Variants in CAAP1 observed in about 807,000 individuals in gnomAD.
CAAP1 encodes the protein caspase activity and apoptosis inhibitor 1.
A neutral mutation model predicts 34.0 loss-of-function variants in CAAP1; 20 were observed. The ratio of observed to expected loss-of-function variants is 0.59; its 90% confidence interval spans 0.41 to 0.86. The LOEUF (loss-of-function observed/expected upper bound fraction) is 0.86. Ranked by LOEUF, CAAP1 falls within the 40% of genes least tolerant of loss-of-function variation. CAAP1 has a pLI of 0.00. For missense variants in CAAP1, 538 were observed against 450.5 expected (o/e 1.19, Z -1.76); for synonymous variants, 213 against 166.7 (o/e 1.28, Z -2.14).
At chr9:26,886,814 C>T (rs553195407) in intron 2 of CAAP1, among the ~76,000 whole-genome samples, 8 of 152,134 alleles carry the variant, frequency 5.3e-5, no homozygotes, top group Admixed American at 5.2e-4. Flanking sequence ...AACATTTCTT[C>T]GTGGCAAATT....
chr9:26,872,276 A>G (rs1490841525), intron 4 of CAAP1, among the ~76,000 whole-genome samples: 1 of 152,150 alleles, frequency 6.6e-6, no homozygotes, highest in East Asian at 1.9e-4. Flanking sequence ...CTGAGCATAA[A>G]TAGCAGTCTG....
At chr9:26,852,437 A>G (rs1822774844) in intron 5 of CAAP1, among the ~76,000 whole-genome samples, 1 of 151,912 alleles carries the variant, frequency 6.6e-6, no homozygotes, top group Admixed American at 6.6e-5. Context: ...CCTGGGTGAC[A>G]GAGAGAGGCT....
At chr9:26,878,096 T>C (rs899692327) in intron 4 of CAAP1, among the ~76,000 whole-genome samples, 15 of 152,330 alleles carry the variant, frequency 9.8e-5, no homozygotes, top group African/African-American at 3.1e-4. Flanking sequence ...TGGGACTTAA[T>C]GGTAACAATC....
chr9:26,892,543 G>T lies in CAAP1; in HGVS notation c.173C>A (p.Ala58Asp), dbSNP rs1010624013. Residue 58 changes from alanine (A) to aspartate (D), a missense_variant, in exon 1 of 6, where the codon GCC becomes GAC. Physicochemically the swap from Ala to Asp is moderately radical, Grantham distance 126. This residue lies in a region of CAAP1 where 514 missense variants were observed against 408.4 expected (regional missense o/e 1.26). Transcript: ENST00000333916. ...GCGSVSCCGN[A>D]NFSGSVTGGG... Reference sequence around the variant, plus strand: ...GCCGGTGACACTTCCACTAAAATTGGCGTTCCCACAGCAGCTGACGCTCCC... The same window carrying T: ...GCCGGTGACACTTCCACTAAAATTGTCGTTCCCACAGCAGCTGACGCTCCC... 1 of 1,578,278 alleles carries T rather than the reference G, an allele frequency of 6.3e-7. No individual in the cohort carries two copies. The highest frequency in any genetic ancestry group is 1.1e-5 in the South Asian group (1 of 87,710).
intron 4 of CAAP1, among the ~76,000 whole-genome samples, chr9:26,881,719 T>G (rs1428652450): frequency 6.6e-6 from 1 of 152,160 alleles, no homozygotes; most frequent in Non-Finnish European, 1.5e-5. Context: ...GGCACTGCTG[T>G]ACAAATACAC....
rs556379673 is a variant in CAAP1, at chr9:26,847,596, AT to A, written c.740-4950del. On this transcript the variant is annotated intron_variant, in intron 5 of 5. Transcript: ENST00000333916. ...TTTCCACGTGTGTATTGCCTTCTGTATTTCCAGTTTTGTGAAATATCTGACT... is the reference window on the plus strand; with the variant it reads ...TTTCCACGTGTGTATTGCCTTCTGTATTCCAGTTTTGTGAAATATCTGACT... Among the ~76,000 whole-genome samples, 35 of 152,104 alleles carry A rather than the reference AT, an allele frequency of 2.3e-4. No individual in the cohort carries two copies. In the South Asian group the frequency reaches 7.2e-3, roughly 32 times the overall value.
intron 4 of CAAP1, among the ~76,000 whole-genome samples, chr9:26,878,267 T>C (rs937936544): frequency 1.3e-5 from 2 of 152,226 alleles, no homozygotes; most frequent in Admixed American, 6.5e-5. Flanking sequence ...GTGCTTTGTT[T>C]CTTTCAAGTA....
intron 1 of CAAP1, 65 bp downstream of exon 1, chr9:26,892,348 T>C (rs745761847): frequency 2.3e-5 from 37 of 1,581,002 alleles, no homozygotes; most frequent in Non-Finnish European, 3.0e-5. Context: ...CCCATCCCTC[T>C]GGAAGCCCGA....
intron 4 of CAAP1, 140 bp from the exon 5 acceptor site, chr9:26,861,279 T>G (rs1822998252): frequency 3.4e-6 from 2 of 580,942 alleles, no homozygotes; most frequent in Admixed American, 6.2e-5. Flanking sequence ...TTCAGTGTAC[T>G]CTGGAAGCTC....
intron 4 of CAAP1, among the ~76,000 whole-genome samples, chr9:26,875,015 T>A (rs1823391399): frequency 6.6e-6 from 1 of 152,118 alleles, no homozygotes; most frequent in South Asian, 2.1e-4. Context: ...ATACACAGGG[T>A]ATGTTAAATA....
At chr9:26,892,069 G>A (rs1460691871) in intron 1 of CAAP1, among the ~76,000 whole-genome samples, 1 of 152,136 alleles carries the variant, frequency 6.6e-6, no homozygotes, top group Non-Finnish European at 1.5e-5. Flanking sequence ...AAAAGGTGAA[G>A]ACGAAGGGAG....
intron 4 of CAAP1, among the ~76,000 whole-genome samples, chr9:26,877,886 TATTATTAA>T (rs975311449): frequency 1.5e-4 from 22 of 150,368 alleles, no homozygotes; most frequent in African/African-American, 5.4e-4. Context: ...AAATTTCCTA[TATTATTAA>T]ATTATTATTT....
intron 5 of CAAP1, among the ~76,000 whole-genome samples, chr9:26,857,539 G>A (rs188292539): frequency 6.6e-6 from 1 of 152,296 alleles, no homozygotes; most frequent in East Asian, 1.9e-4. Context: ...GGCTGAGGCA[G>A]GAGAATTGCT....
At chr9:26,849,186 G>T (rs1376970420) in intron 5 of CAAP1, among the ~76,000 whole-genome samples, 1 of 152,174 alleles carries the variant, frequency 6.6e-6, no homozygotes, top group Non-Finnish European at 1.5e-5. Context: ...TCAACTATAA[G>T]GGATGAATGC....
intron 5 of CAAP1, among the ~76,000 whole-genome samples, chr9:26,849,506 T>C (rs1204388382): frequency 6.6e-6 from 1 of 152,242 alleles, no homozygotes; most frequent in African/African-American, 2.4e-5. Flanking sequence ...TTTTACTTGC[T>C]ATCTTTCCTG....
rs1823554895 is a variant in CAAP1 at position 26,880,159 on chromosome 9, T to C, written c.665+4651A>G. On this transcript the variant is annotated intron_variant, in intron 4 of 5. Transcript: ENST00000333916. The stretch of plus-strand genomic sequence containing the variant: ...ATCACAGTGGTTTCTTAAAAGGATG[T>C]TCTCCACACTCACGGGGTGTCTTTT... The C allele has an allele frequency of 7.0e-5, 17 of 242,358 alleles. 1 individual carries two copies. Among genetic ancestry groups the C allele is most frequent in the South Asian group, 6.8e-4 (17 of 25,030 alleles). 15.0% of individuals were successfully genotyped at this position (242,358 alleles called of 1,614,324 possible).
chr9:26,875,119 TAAA>T (rs1563889505), intron 4 of CAAP1, among the ~76,000 whole-genome samples: 1 of 152,182 alleles, frequency 6.6e-6, no homozygotes, highest in Non-Finnish European at 1.5e-5. Flanking sequence ...TCTTTCTAAT[TAAA>T]ACTATAATAA....
At chr9:26,888,382 C>T (rs1563895442) in intron 1 of CAAP1, among the ~76,000 whole-genome samples, 1 of 152,128 alleles carries the variant, frequency 6.6e-6, no homozygotes, top group African/African-American at 2.4e-5. Flanking sequence ...TTTTGCATAC[C>T]ATTTTCCTAT....
rs77743824 is a variant in CAAP1 at position 26,853,285 on chromosome 9, T to C, written c.739+7781A>G. Among the ~76,000 whole-genome samples, 119 of 152,222 alleles carry C rather than the reference T, an allele frequency of 7.8e-4. 1 individual carries two copies. In the East Asian group the frequency reaches 0.021, roughly 27 times the overall value. ...GTAACTGCTATTTATTAAGACGAGA[T>C]GGATGGTAGAAGCAGCAAGGTATTG... On this transcript the variant is annotated intron_variant, in intron 5 of 5. Coordinates refer to ENST00000333916, the MANE Select transcript of CAAP1 (RefSeq NM_024828.4).
Sources: allele counts gnomAD v4.1 joint callset (sites outside exome capture counted in the v4.1 genomes callset), GRCh38; gene constraint gnomAD v4.1.1; regional missense constraint gnomAD v4.1.1; transcripts MANE v1.5; gene names NCBI Gene and HGNC (gene_info 2026-07-23, HGNC 2026-07-21).